FOXP1: variants seen among roughly 807,000 people sequenced by gnomAD.
The protein encoded by FOXP1 is forkhead box protein P1.
Under a neutral mutation model 98.2 loss-of-function variants are expected in FOXP1, and 15 were observed. The observed-to-expected ratio is 0.15, with a 90% CI of 0.10 to 0.24. The LOEUF is 0.24. FOXP1 is among the 10% of genes least tolerant of loss of function. The pLI, the probability that FOXP1 is intolerant of heterozygous loss-of-function variation, is 1.00. For synonymous variants in FOXP1, 371 were observed against 314.5 expected (o/e 1.18, Z -1.90); for missense variants, 633 against 848.5 (o/e 0.75, Z 3.15).
In FOXP1 at chr3:70,991,072, G is replaced by T. The variant is rs938908133; in HGVS notation, c.1063-2995C>A. On this transcript the variant is annotated intron_variant, in intron 13 of 20. Coordinates refer to ENST00000649528, the MANE Select transcript of FOXP1 (RefSeq NM_001349338.3). ...TTCTAATTTTTTTTTTTTTTTTTAA[G>T]AAAAGTGAAATCGGTCCAGTGTATT... is the stretch of plus-strand genomic sequence containing the variant. Among the ~76,000 whole-genome samples, 214 of 133,176 alleles carry T rather than the reference G, an allele frequency of 1.6e-3. 1 individual carries two copies. The highest frequency in any genetic ancestry group is 2.9e-4 in the Non-Finnish European group (18 of 62,444). 87.4% of individuals were successfully genotyped at this position (133,176 alleles called of 152,430 possible). A position where few individuals can be genotyped will look rare whatever the true frequency, so the allele number is the denominator to read the frequency against.
intron 3 of FOXP1, among the ~76,000 whole-genome samples, chr3:71,388,842 C>T (rs893683260): frequency 6.6e-6 from 1 of 152,144 alleles, no homozygotes; most frequent in Non-Finnish European, 1.5e-5. Flanking sequence ...CCTAGCTATT[C>T]ATCACAGCTA....
At chr3:71,210,129 C>T (rs998295665) in intron 5 of FOXP1, among the ~76,000 whole-genome samples, 11 of 152,290 alleles carry the variant, frequency 7.2e-5, no homozygotes, top group Admixed American at 1.3e-4. Context: ...TCCACTCTGT[C>T]TAAAAAGAAA....
rs1353343147 is a variant in FOXP1, at chr3:71,293,622, T to C, written c.-12+6198A>G. On this transcript the variant is annotated intron_variant, in intron 5 of 20. Transcript: ENST00000649528. ...ATGCCTTCATGTACATTTCAACAAGTGACTTCTGCTTGAAAACGAACTCTA... is the reference window on the plus strand; with the variant it reads ...ATGCCTTCATGTACATTTCAACAAGCGACTTCTGCTTGAAAACGAACTCTA... Among the ~76,000 whole-genome samples, 2 of 152,204 alleles carry C rather than the reference T, an allele frequency of 1.3e-5. 1 individual carries two copies. The highest frequency in any genetic ancestry group is 4.8e-5 in the African/African-American group (2 of 41,450).
intron 6 of FOXP1, among the ~76,000 whole-genome samples, chr3:71,164,527 C>T (rs796318121): frequency 1.2e-4 from 19 of 152,262 alleles, no homozygotes; most frequent in Admixed American, 1.1e-3. Flanking sequence ...GTAATGAAAG[C>T]ACAGTTGGCT....
intron 6 of FOXP1, among the ~76,000 whole-genome samples, chr3:71,187,124 A>G (rs553302906): frequency 1.3e-5 from 2 of 152,372 alleles, no homozygotes; most frequent in African/African-American, 4.8e-5. Flanking sequence ...CCTAGCCCCT[A>G]CTCAAAGAAG....
intron 4 of FOXP1, among the ~76,000 whole-genome samples, chr3:71,329,446 C>G (rs1332733478): frequency 2.1e-5 from 2 of 96,438 alleles, no homozygotes; most frequent in East Asian, 1.3e-3. Flanking sequence ...TGGTCTTGAT[C>G]TCCTACCTCG....
chr3:71,023,128 ATCCG>A (rs1444301484), intron 11 of FOXP1, among the ~76,000 whole-genome samples: 1 of 152,032 alleles, frequency 6.6e-6, no homozygotes, highest in Non-Finnish European at 1.5e-5. Flanking sequence ...TAGGACTTTC[ATCCG>A]TCCAGCCAAC....
intron 3 of FOXP1, among the ~76,000 whole-genome samples, chr3:71,380,117 C>T (rs189707141): frequency 1.3e-5 from 2 of 152,162 alleles, no homozygotes; most frequent in Non-Finnish European, 1.5e-5. Context: ...AAGATGGGGG[C>T]GGGCAGGCAG....
intron 4 of FOXP1, among the ~76,000 whole-genome samples, chr3:71,309,264 T>A (rs1364955894): frequency 2.0e-5 from 3 of 152,120 alleles, no homozygotes; most frequent in Non-Finnish European, 4.4e-5. Flanking sequence ...TGAATTAATA[T>A]AAAATATGGT....
chr3:71,515,442 A>AAAC lies in FOXP1; in HGVS notation c.-297-21888_-297-21887insGTT, dbSNP rs1222697849. Among the ~76,000 whole-genome samples, 3 of 142,216 alleles carry AAAC rather than the reference A, an allele frequency of 2.1e-5. No individual in the cohort carries two copies. The Admixed American group carries it at 2.1e-4, about 10-fold the overall frequency. 93.3% of individuals were successfully genotyped at this position (142,216 alleles called of 152,430 possible). A position where few individuals can be genotyped will look rare whatever the true frequency, so the allele number is the denominator to read the frequency against. On this transcript the variant is annotated intron_variant, in intron 2 of 20. Coordinates refer to ENST00000649528, the MANE Select transcript of FOXP1 (RefSeq NM_001349338.3). ...ATCAAAATTTACACAGCAAAAAAAA[A>AAAC]AAAAAAAAAAACTGCACATTTATAC...
At chr3:71,157,683 C>T (rs567420846) in intron 6 of FOXP1, among the ~76,000 whole-genome samples, 2 of 152,312 alleles carry the variant, frequency 1.3e-5, no homozygotes, top group Admixed American at 6.5e-5. Flanking sequence ...TGTTCCTTCA[C>T]TTCTTTTCTG....
Position 70,959,317 on chromosome 3 carries a change from G to T in FOXP1, c.1964C>A (p.Ala655Asp). 6.2e-7 allele frequency: 1 copy of T among 1,614,022 alleles called. No individual in the cohort carries two copies. The highest frequency in any genetic ancestry group is 1.3e-5 in the African/African-American group (1 of 74,978). ...AEGPLSLVTT[A>D]NHSPDFDHDR... ...ATGGTCAAAATCTGGACTGTGGTTG[G>T]CTGTTGTCACTAAGGACAGGGGCCC... is the stretch of plus-strand genomic sequence containing the variant. The change falls in exon 21 of 21, where the codon GCC (alanine) becomes GAC (aspartate). Residue 655 changes from alanine to aspartate, a missense_variant. Physicochemically the swap from Ala to Asp is moderately radical, Grantham distance 126. Transcript: ENST00000649528.
chr3:71,542,247 C>A (rs1296637246), intron 2 of FOXP1, among the ~76,000 whole-genome samples: 3 of 152,188 alleles, frequency 2.0e-5, no homozygotes, highest in Non-Finnish European at 4.4e-5. Flanking sequence ...TAAACCAACA[C>A]CATAGGTCTT....
intron 7 of FOXP1, among the ~76,000 whole-genome samples, chr3:71,081,272 A>G (rs2054383227): frequency 6.6e-6 from 1 of 152,132 alleles, no homozygotes; most frequent in Admixed American, 6.6e-5. Flanking sequence ...TCTTTCCAGC[A>G]CCTGTACTCA....
chr3:71,247,569 C>T (rs1484190531), intron 5 of FOXP1, among the ~76,000 whole-genome samples: 2 of 152,122 alleles, frequency 1.3e-5, no homozygotes, highest in South Asian at 2.1e-4. Flanking sequence ...ACTTTGGTGG[C>T]GAAATCAAGA....
At chr3:71,382,486 G>A (rs533159082) in intron 3 of FOXP1, among the ~76,000 whole-genome samples, 1 of 152,234 alleles carries the variant, frequency 6.6e-6, no homozygotes, top group East Asian at 1.9e-4. Flanking sequence ...CATCTCCCTG[G>A]CCACAGGGAG....
chr3:71,535,992 G>A (rs1296757811), intron 2 of FOXP1, among the ~76,000 whole-genome samples: 1 of 152,188 alleles, frequency 6.6e-6, no homozygotes, highest in African/African-American at 2.4e-5. Flanking sequence ...TAGAGATCAA[G>A]GGTGACCCTT....
intron 13 of FOXP1, among the ~76,000 whole-genome samples, chr3:70,995,082 G>A (rs566152348): frequency 2.2e-4 from 33 of 151,306 alleles, no homozygotes; most frequent in African/African-American, 6.1e-4. Flanking sequence ...TTCCCCAAAC[G>A]GAATTAAAAT....
intron 7 of FOXP1, among the ~76,000 whole-genome samples, chr3:71,071,418 T>G (rs1002962633): frequency 6.6e-6 from 1 of 152,222 alleles, no homozygotes; most frequent in Non-Finnish European, 1.5e-5. Flanking sequence ...GCAGGCTGTT[T>G]AACTCTGAGA....
Sources: allele counts gnomAD v4.1 joint callset (sites outside exome capture counted in the v4.1 genomes callset), GRCh38; gene constraint gnomAD v4.1.1; transcripts MANE v1.5; gene names NCBI Gene and HGNC (gene_info 2026-07-23, HGNC 2026-07-21).